The following GLIS3 variants were observed in gnomAD, a reference collection of about 807,000 sequenced individuals.
GLIS3 encodes GLIS family zinc finger 3, also known as zinc finger protein GLIS3.
Under a neutral mutation model 78.6 loss-of-function variants are expected in GLIS3, and 53 were observed. That is an observed-to-expected ratio of 0.67 (90% CI 0.54 to 0.85). The LOEUF (loss-of-function observed/expected upper bound fraction) is 0.85. Ranked by LOEUF, GLIS3 falls within the 40% of genes least tolerant of loss-of-function variation. The probability of loss-of-function intolerance (pLI) is 0.00; values close to 1 mark genes in which losing one functional copy is unlikely to be tolerated. For missense variants in GLIS3, 1,703 were observed against 1,231.1 expected (o/e 1.38, Z -5.74); for synonymous variants, 684 against 509.9 (o/e 1.34, Z -4.60).
chr9:4,258,286 G>T (rs546745987), intron 2 of GLIS3, among the ~76,000 whole-genome samples: 35 of 152,168 alleles, frequency 2.3e-4, no homozygotes, highest in African/African-American at 7.0e-4. Flanking sequence ...AAAGAATAGT[G>T]AAATCTGAAT....
At chr9:4,437,883 T>C in the GLIS3 span, among the ~76,000 whole-genome samples, 5 of 152,332 alleles carry the variant, frequency 3.3e-5, 1 homozygote, top group East Asian at 5.8e-4. Context: ...AGTTACTCTA[T>C]TGAAGGATAC....
chr9:3,846,881 G>C (rs1295444572), intron 9 of GLIS3, among the ~76,000 whole-genome samples: 2 of 152,154 alleles, frequency 1.3e-5, no homozygotes, highest in African/African-American at 2.4e-5. Flanking sequence ...GTAAGCACTG[G>C]GTATTTAAAG....
intron 4 of GLIS3, among the ~76,000 whole-genome samples, chr9:3,985,701 A>G (rs1819687211): frequency 6.6e-6 from 1 of 152,256 alleles, no homozygotes; most frequent in Non-Finnish European, 1.5e-5. Context: ...AAATTTTAGC[A>G]AAGGAAGCAA....
intron 4 of GLIS3, among the ~76,000 whole-genome samples, chr9:4,080,616 C>T (rs1324106043): frequency 4.6e-5 from 7 of 152,232 alleles, no homozygotes; most frequent in African/African-American, 1.7e-4. Flanking sequence ...TTAAATATTA[C>T]ATTAAAATAT....
the GLIS3 span, among the ~76,000 whole-genome samples, chr9:4,481,061 G>A: frequency 4.5e-3 from 684 of 152,210 alleles, 5 homozygotes; most frequent in African/African-American, 0.016. Flanking sequence ...TTTCCATGTT[G>A]CTCAGTCTGG....
chr9:4,096,741 G>A (rs1478807132), intron 4 of GLIS3, among the ~76,000 whole-genome samples: 1 of 152,176 alleles, frequency 6.6e-6, no homozygotes, highest in Non-Finnish European at 1.5e-5. Flanking sequence ...GCCAGACATG[G>A]TGGCTCAAGC....
At chr9:3,884,032 T>C (rs1346601923) in intron 7 of GLIS3, among the ~76,000 whole-genome samples, 1 of 152,250 alleles carries the variant, frequency 6.6e-6, no homozygotes, top group African/African-American at 2.4e-5. Context: ...TTGAGCTTTA[T>C]AATTTTAACA....
intron 2 of GLIS3, among the ~76,000 whole-genome samples, chr9:4,246,553 G>T (rs190958670): frequency 6.6e-6 from 1 of 151,684 alleles, no homozygotes; most frequent in East Asian, 1.9e-4. Context: ...AACATAAGCC[G>T]TGAGTAATCG....
intron 4 of GLIS3, among the ~76,000 whole-genome samples, chr9:4,066,769 G>T (rs1827134885): frequency 2.0e-5 from 3 of 152,228 alleles, no homozygotes; most frequent in African/African-American, 7.2e-5. Flanking sequence ...GAAGTGGAAG[G>T]AGTAATTCTC....
chr9:4,318,045 G>A lies in GLIS3; in HGVS notation n.265-7517C>T, dbSNP rs940698622. 3.9e-5 allele frequency among the ~76,000 whole-genome samples: 6 copies of A among 152,190 alleles called. No homozygotes were observed. The East Asian group carries it at 7.7e-4, about 20-fold the overall frequency. ...CAGAAAAGCAACTAGAAAAATTATAGAAACTGAGGAATGTCAAAGTAAGTT... is the reference window on the plus strand; with the variant it reads ...CAGAAAAGCAACTAGAAAAATTATAAAAACTGAGGAATGTCAAAGTAAGTT... On this transcript the variant is annotated intron_variant and non_coding_transcript_variant, in intron 2 of 4. Transcript: ENST00000471664.
rs1043554931 is a variant in GLIS3 at position 3,827,489 on chromosome 9, G to C, written c.*783C>G. 1 of 152,388 alleles carries C rather than the reference G, an allele frequency of 6.6e-6. No homozygotes were observed. Among genetic ancestry groups the C allele is most frequent in the African/African-American group, 2.4e-5 (1 of 41,440 alleles). 9.4% of individuals were successfully genotyped at this position (152,388 alleles called of 1,614,324 possible). On this transcript the variant is annotated 3_prime_UTR_variant, in exon 11 of 11. Coordinates refer to ENST00000381971, the MANE Select transcript of GLIS3 (RefSeq NM_001042413.2). ...ACTCCATTTCCCTCAGGTAACCTTT[G>C]CTAACTGCAAAACTAACATGCTAGA...
chr9:3,843,439 C>T (rs1055297212), intron 9 of GLIS3, among the ~76,000 whole-genome samples: 1 of 152,080 alleles, frequency 6.6e-6, no homozygotes, highest in Non-Finnish European at 1.5e-5. Flanking sequence ...GTATGGAAAC[C>T]TATATAAGTG....
intron 9 of GLIS3, among the ~76,000 whole-genome samples, chr9:3,853,976 T>TA (rs1438151473): frequency 2.6e-5 from 4 of 152,170 alleles, no homozygotes; most frequent in Non-Finnish European, 4.4e-5. Context: ...CACTGCCAAT[T>TA]ATATGATGCC....
At chr9:4,085,917 TA>T (rs1366149419) in intron 4 of GLIS3, among the ~76,000 whole-genome samples, 2 of 152,146 alleles carry the variant, frequency 1.3e-5, no homozygotes, top group Non-Finnish European at 2.9e-5. Flanking sequence ...GTGAGCAAAT[TA>T]AACCTCTTTT....
At chr9:3,982,032 G>A (rs1475684666) in intron 4 of GLIS3, among the ~76,000 whole-genome samples, 3 of 152,164 alleles carry the variant, frequency 2.0e-5, no homozygotes, top group African/African-American at 7.2e-5. Context: ...ATGCTGGATT[G>A]GCCTGTCTAA....
At chr9:4,195,524 C>A (rs1351150462) in intron 2 of GLIS3, among the ~76,000 whole-genome samples, 1 of 152,226 alleles carries the variant, frequency 6.6e-6, no homozygotes, top group African/African-American at 2.4e-5. Flanking sequence ...CGGGCCTCAG[C>A]CACCTCCCCA....
At chr9:4,129,445 G>T (rs560943858) in intron 2 of GLIS3, among the ~76,000 whole-genome samples, 38 of 152,210 alleles carry the variant, frequency 2.5e-4, no homozygotes, top group African/African-American at 8.2e-4. Flanking sequence ...TGGATCATGG[G>T]GGGTGGATCC....
Position 3,863,507 on chromosome 9 carries a change from T to C in GLIS3, c.2298-7323A>G, listed in dbSNP as rs77106625. Among the ~76,000 whole-genome samples the C allele has an allele frequency of 5.2e-3, 791 of 152,340 alleles. 10 individuals carry two copies. The highest frequency in any genetic ancestry group is 0.018 in the African/African-American group (759 of 41,576). Reference sequence around the variant, plus strand: ...CCCCAAATAGTCCAAGAGCCTAATCTGTCCCCTGGAAGAGCTTGTGCTCCC... The same window carrying C: ...CCCCAAATAGTCCAAGAGCCTAATCCGTCCCCTGGAAGAGCTTGTGCTCCC... On this transcript the variant is annotated intron_variant, in intron 8 of 10. Coordinates refer to ENST00000381971, the MANE Select transcript of GLIS3 (RefSeq NM_001042413.2).
chr9:3,907,602 C>A (rs376362569), intron 6 of GLIS3, among the ~76,000 whole-genome samples: 9,010 of 81,318 alleles, frequency 0.11, 393 homozygotes, highest in East Asian at 0.21. Context: ...CCTCCACCCC[C>A]CAAACACACA....
Sources: gnomAD v4.1 joint callset for allele counts (sites outside exome capture counted in the v4.1 genomes callset) on GRCh38, gnomAD v4.1.1 for gene constraint, MANE v1.5 for transcripts, NCBI Gene and HGNC (gene_info 2026-07-23, HGNC 2026-07-21) for gene names.